TENM2: variants seen among roughly 807,000 people sequenced by gnomAD.
TENM2 encodes the protein teneurin transmembrane protein 2.
In TENM2, 52 loss-of-function variants were observed where a neutral mutation model predicts 245.2. The ratio of observed to expected loss-of-function variants is 0.21; its 90% CI spans 0.17 to 0.27. The LOEUF (loss-of-function observed/expected upper bound fraction) is 0.27. Ranked by LOEUF, TENM2 falls within the 10% of genes least tolerant of loss-of-function variation. TENM2 has a pLI of 1.00. For missense variants in TENM2, 3,046 were observed against 3,666.8 expected (o/e 0.83, Z 4.37); for synonymous variants, 1,363 against 1,438.9 (o/e 0.95, Z 1.19).
chr5:167,360,048 A>C (rs879928343), intron 1 of TENM2, among the ~76,000 whole-genome samples: 1 of 152,220 alleles, frequency 6.6e-6, no homozygotes, highest in Non-Finnish European at 1.5e-5. Flanking sequence ...AGCGAGGAGC[A>C]GACAAAAGAA....
chr5:168,193,577 A>G (rs1175703769), intron 14 of TENM2, among the ~76,000 whole-genome samples: 1 of 152,242 alleles, frequency 6.6e-6, no homozygotes, highest in Non-Finnish European at 1.5e-5. Flanking sequence ...CACAGGCAGC[A>G]CTACTCCTGT....
chr5:168,206,986 A>T (rs947873975), intron 19 of TENM2, among the ~76,000 whole-genome samples: 8 of 151,798 alleles, frequency 5.3e-5, no homozygotes, highest in Non-Finnish European at 1.2e-4. Context: ...TCTCTACCTA[A>T]TCTACCACAT....
chr5:167,347,063 C>T (rs1013058098), intron 1 of TENM2, among the ~76,000 whole-genome samples: 2 of 151,806 alleles, frequency 1.3e-5, no homozygotes, highest in Non-Finnish European at 1.5e-5. Context: ...CATGAGCCAT[C>T]ACCAAGCTCC....
At chr5:167,798,058 C>A (rs965834417) in intron 2 of TENM2, among the ~76,000 whole-genome samples, 1 of 152,160 alleles carries the variant, frequency 6.6e-6, no homozygotes, top group African/African-American at 2.4e-5. Context: ...ATTTCATAAT[C>A]TTTTTCAATG....
the TENM2 span, among the ~76,000 whole-genome samples, chr5:167,002,016 A>G: frequency 6.6e-6 from 1 of 152,218 alleles, no homozygotes; most frequent in South Asian, 2.1e-4. Flanking sequence ...TCTATTATTC[A>G]CCATAATATT....
chr5:167,108,114 G>C, the TENM2 span, among the ~76,000 whole-genome samples: 1 of 152,030 alleles, frequency 6.6e-6, no homozygotes, highest in Non-Finnish European at 1.5e-5. Context: ...TTACTTGACT[G>C]TGAGTATTTT....
chr5:167,508,238 T>C (rs1769688935), intron 2 of TENM2, among the ~76,000 whole-genome samples: 1 of 152,152 alleles, frequency 6.6e-6, no homozygotes. Flanking sequence ...TTAAAAAAGC[T>C]CCACACACCC....
intron 2 of TENM2, among the ~76,000 whole-genome samples, chr5:167,566,036 A>G (rs1000768479): frequency 6.6e-6 from 1 of 152,156 alleles, no homozygotes; most frequent in African/African-American, 2.4e-5. Context: ...CATCAGAAAG[A>G]TGTTTTTGCT....
At chr5:167,008,464 T>G in the TENM2 span, among the ~76,000 whole-genome samples, 2 of 152,326 alleles carry the variant, frequency 1.3e-5, no homozygotes, top group South Asian at 4.1e-4. Context: ...CAATTTTTTC[T>G]TAATCTGATG....
intron 12 of TENM2, among the ~76,000 whole-genome samples, chr5:168,134,016 A>G (rs200249267): frequency 1.3e-5 from 2 of 152,002 alleles, no homozygotes; most frequent in East Asian, 3.9e-4. Context: ...TTAGCCAGGT[A>G]TGGTGGTGCA....
At chr5:168,255,284 C>A (rs773665332) in intron 27 of TENM2, among the ~76,000 whole-genome samples, 1 of 152,024 alleles carries the variant, frequency 6.6e-6, no homozygotes, top group Non-Finnish European at 1.5e-5. Context: ...TGTATTTACA[C>A]CTCATTAACA....
intron 2 of TENM2, among the ~76,000 whole-genome samples, chr5:167,467,648 G>T (rs1441112143): frequency 6.6e-6 from 1 of 151,714 alleles, no homozygotes; most frequent in Non-Finnish European, 1.5e-5. Flanking sequence ...TTCCATATTT[G>T]TTACAGTGAA....
intron 1 of TENM2, among the ~76,000 whole-genome samples, chr5:167,339,417 A>C (rs1014167962): frequency 1.3e-5 from 2 of 152,188 alleles, no homozygotes; most frequent in African/African-American, 4.8e-5. Context: ...ATGGCTGATT[A>C]AGTCCATGAG....
chr5:167,510,731 TTTG>T (rs762697334), intron 2 of TENM2, among the ~76,000 whole-genome samples: 8 of 152,074 alleles, frequency 5.3e-5, no homozygotes, highest in South Asian at 2.1e-4. Context: ...AGTTTAGTTT[TTTG>T]TTGTTGTTTG....
chr5:167,533,767 C>T (rs1440829875), intron 2 of TENM2, among the ~76,000 whole-genome samples: 1 of 151,896 alleles, frequency 6.6e-6, no homozygotes, highest in African/African-American at 2.4e-5. Context: ...GTTGGCTGTT[C>T]TTATATAGTT....
intron 4 of TENM2, 73 bp from the exon 7 acceptor site, chr5:167,992,871 G>C: frequency 8.3e-7 from 1 of 1,204,700 alleles, no homozygotes. Context: ...ATAGAGCAGA[G>C]TGGAAGAAAA....
intron 2 of TENM2, among the ~76,000 whole-genome samples, chr5:167,630,851 G>A (rs1778819728): frequency 6.6e-6 from 1 of 152,238 alleles, no homozygotes; most frequent in Non-Finnish European, 1.5e-5. Flanking sequence ...GAAAGCCCCA[G>A]AGTGGGAAAT....
intron 2 of TENM2, among the ~76,000 whole-genome samples, chr5:167,545,825 G>A (rs753355887): frequency 3.3e-5 from 5 of 152,010 alleles, no homozygotes; most frequent in East Asian, 1.9e-4. Context: ...GTTCCTTTTC[G>A]TGCCCTCCAT....
chr5:168,126,273 G>A (rs1246665478), intron 11 of TENM2, among the ~76,000 whole-genome samples: 1 of 152,178 alleles, frequency 6.6e-6, no homozygotes, highest in Non-Finnish European at 1.5e-5. Flanking sequence ...GGCTGTCAGT[G>A]GGGGAGGAAT....
Sources: allele counts gnomAD v4.1 joint callset (sites outside exome capture counted in the v4.1 genomes callset), GRCh38; gene constraint gnomAD v4.1.1; transcripts MANE v1.5; gene names NCBI Gene and HGNC (gene_info 2026-07-23, HGNC 2026-07-21).